The following MAN2A1 variants were observed in gnomAD, a reference collection of about 807,000 sequenced individuals.
MAN2A1 encodes the protein mannosidase alpha class 2A member 1, also known as alpha-mannosidase 2.
Under a neutral mutation model 142.6 loss-of-function variants are expected in MAN2A1, and 76 were observed. The ratio of observed to expected loss-of-function variants is 0.53; its 90% CI spans 0.44 to 0.65. MAN2A1 has a LOEUF of 0.65. MAN2A1 is among the 30% of genes least tolerant of loss of function. MAN2A1 has a pLI of 0.00. For missense variants in MAN2A1, 1,311 were observed against 1,365.1 expected (o/e 0.96, Z 0.62); for synonymous variants, 559 against 473.2 (o/e 1.18, Z -2.35).
Position 109,853,963 on chromosome 5 carries a change from A to G in MAN2A1, c.2977-1177A>G, listed in dbSNP as rs552259651. 2.6e-5 allele frequency: 4 copies of G among 152,138 alleles called. No individual in the cohort carries two copies. The East Asian group carries it at 7.7e-4, about 29-fold the overall frequency. The allele number at this position is 152,138 out of a possible 1,614,324, so 9.4% of individuals were successfully genotyped here. ...ATAGTCTGAAATGTAATGACATCTA[A>G]TGTTAGCTTCTGGCACGATGCTAGT... is the stretch of plus-strand genomic sequence containing the variant. On this transcript the variant is annotated intron_variant, in intron 19 of 21. Coordinates refer to ENST00000261483, the MANE Select transcript of MAN2A1 (RefSeq NM_002372.4).
intron 1 of MAN2A1, 93 bp downstream of exon 1, chr5:109,690,645 G>A: frequency 7.1e-7 from 1 of 1,408,342 alleles, no homozygotes; most frequent in Non-Finnish European, 9.7e-7. Context: ...CTCCCGCCGC[G>A]GCCCCACACC....
intron 7 of MAN2A1, among the ~76,000 whole-genome samples, chr5:109,771,240 CATT>C (rs1291747018): frequency 1.3e-5 from 2 of 151,896 alleles, no homozygotes; most frequent in Middle Eastern, 3.2e-3. Context: ...TAAAATGAAA[CATT>C]GTGGTGTAAT....
rs551950644 is a variant in MAN2A1 at position 109,787,625 on chromosome 5, T to TG, written c.1761-1308dup. Among the ~76,000 whole-genome samples the TG allele has an allele frequency of 1.8e-4, 27 of 152,080 alleles. No individual in the cohort carries two copies. In the East Asian group the frequency reaches 4.6e-3, roughly 26 times the overall value. On this transcript the variant is annotated intron_variant, in intron 10 of 21. Coordinates refer to ENST00000261483, the MANE Select transcript of MAN2A1 (RefSeq NM_002372.4). ...GAAGGCTGCATGTGTGCCTTTAGGA[T>TG]GCAGACATTGATCCTGGCTTTCACT...
chr5:109,715,598 TC>T (rs530902115), intron 2 of MAN2A1, among the ~76,000 whole-genome samples: 66 of 152,264 alleles, frequency 4.3e-4, no homozygotes, highest in African/African-American at 1.2e-3. Flanking sequence ...TAGTTTTACT[TC>T]TAGGATAAGA....
At chr5:109,773,841 T>G (rs1333722121) in intron 7 of MAN2A1, among the ~76,000 whole-genome samples, 3 of 152,198 alleles carry the variant, frequency 2.0e-5, no homozygotes, top group Non-Finnish European at 4.4e-5. Context: ...AATTTACTTT[T>G]GGATGATCCT....
intron 8 of MAN2A1, among the ~76,000 whole-genome samples, chr5:109,780,553 T>C (rs1384306910): frequency 6.6e-6 from 1 of 151,938 alleles, no homozygotes; most frequent in Non-Finnish European, 1.5e-5. Flanking sequence ...TGTGTGTATG[T>C]GTGTAGGAAA....
intron 21 of MAN2A1, among the ~76,000 whole-genome samples, 188 bp from the exon 22 acceptor site, chr5:109,866,658 T>C (rs1755891294): frequency 6.6e-6 from 1 of 152,180 alleles, no homozygotes; most frequent in Non-Finnish European, 1.5e-5. Flanking sequence ...CCCTTTTTTC[T>C]GTAAAAGAGA....
intron 1 of MAN2A1, among the ~76,000 whole-genome samples, chr5:109,693,474 C>G (rs550111099): frequency 6.6e-6 from 1 of 151,484 alleles, no homozygotes; most frequent in Non-Finnish European, 1.5e-5. Flanking sequence ...TCTAAATTGC[C>G]CATTTAGTTG....
chr5:109,847,838 C>A, intron 19 of MAN2A1, 48 bp downstream of exon 19: 1 of 1,341,640 alleles, frequency 7.5e-7, no homozygotes, highest in South Asian at 2.2e-5. Context: ...TTCTTTGTCA[C>A]CCAAAACTTG....
chr5:109,741,135 A>C (rs543884022), intron 4 of MAN2A1, among the ~76,000 whole-genome samples: 1 of 152,226 alleles, frequency 6.6e-6, no homozygotes, highest in East Asian at 1.9e-4. Context: ...CTTTTTTGGC[A>C]TTGGAAAATA....
intron 3 of MAN2A1, among the ~76,000 whole-genome samples, chr5:109,726,720 A>C (rs2112579852): frequency 6.6e-6 from 1 of 152,334 alleles, no homozygotes; most frequent in Middle Eastern, 3.4e-3. Flanking sequence ...CTTAACAAAA[A>C]ACATACAAAA....
chr5:109,834,443 AC>A lies in MAN2A1; in HGVS notation c.2567-7883del, dbSNP rs560194320. Among the ~76,000 whole-genome samples, 70 of 148,938 alleles carry A rather than the reference AC, an allele frequency of 4.7e-4. No homozygotes were observed. In the East Asian group the frequency reaches 0.013, roughly 28 times the overall value. On this transcript the variant is annotated intron_variant, in intron 16 of 21. Coordinates refer to ENST00000261483, the MANE Select transcript of MAN2A1 (RefSeq NM_002372.4). ...ATAACATTAGTACTTTAAAAAAAAA[AC>A]CAAAAAGCCTTTCAGTTTTGTTTTA...
chr5:109,820,109 C>A, intron 14 of MAN2A1, 111 bp from the exon 15 acceptor site: 1 of 988,166 alleles, frequency 1.0e-6, no homozygotes, highest in Admixed American at 2.6e-5. Context: ...CACTGGTCCA[C>A]CAGATAAGTA....
At chr5:109,718,255 C>G (rs990234073) in intron 3 of MAN2A1, among the ~76,000 whole-genome samples, 1 of 152,182 alleles carries the variant, frequency 6.6e-6, no homozygotes, top group Non-Finnish European at 1.5e-5. Flanking sequence ...CCCACTTCTT[C>G]CCTTTTCTTG....
rs1355488768 is a variant in MAN2A1 at position 109,774,842 on chromosome 5, A to G, written c.1251A>G (p.Lys417=). 1 of 1,612,950 alleles carries G rather than the reference A, an allele frequency of 6.2e-7. No homozygotes were observed. The highest frequency in any genetic ancestry group is 8.5e-7 in the Non-Finnish European group (1 of 1,179,544). The change falls in exon 8 of 22, where the codon AAA becomes AAG. Residue 417 remains lysine (K), a synonymous_variant. Transcript: ENST00000261483. ...AGAAGTCAAAGCTTTTTCGTACCAAAGTTCTCCTGGCTCCACTAGGAGATG... is the reference window on the plus strand; with the variant it reads ...AGAAGTCAAAGCTTTTTCGTACCAAGGTTCTCCTGGCTCCACTAGGAGATG... The part of the protein sequence containing the change: ...YRKKSKLFRT[K]VLLAPLGDDF...
rs1561497421 is a variant in MAN2A1, at chr5:109,759,968, TAGATAGATAG to T, written c.835+4514_835+4523del. On this transcript the variant is annotated intron_variant, in intron 5 of 21. Transcript: ENST00000261483. ...GTTGCTATATATATATATATATAGA[TAGATAGATAG>T]ATAGATAGATAGATAGATAGATAGA... Among the ~76,000 whole-genome samples the T allele has an allele frequency of 7.6e-5, 4 of 52,822 alleles. No homozygotes were observed. The African/African-American group carries it at 7.9e-4, about 10-fold the overall frequency. The allele number at this position is 52,822 out of a possible 152,430, so 34.7% of individuals were successfully genotyped here.
chr5:109,697,915 A>G (rs897262099), intron 1 of MAN2A1, among the ~76,000 whole-genome samples: 6 of 152,226 alleles, frequency 3.9e-5, no homozygotes, highest in African/African-American at 9.6e-5. Context: ...TACATGTTTC[A>G]TAGATTTCCA....
chr5:109,813,256 T>G (rs1457224156), intron 12 of MAN2A1, among the ~76,000 whole-genome samples: 4 of 152,216 alleles, frequency 2.6e-5, no homozygotes, highest in Admixed American at 6.5e-5. Flanking sequence ...CTGGGGATAT[T>G]GGCCTTGCTA....
At chr5:109,806,204 C>T (rs2112704741) in intron 12 of MAN2A1, among the ~76,000 whole-genome samples, 1 of 152,274 alleles carries the variant, frequency 6.6e-6, no homozygotes, top group South Asian at 2.1e-4. Flanking sequence ...CACGTGCACC[C>T]TGACTGCCTT....
Sources: allele counts gnomAD v4.1 joint callset (sites outside exome capture counted in the v4.1 genomes callset), GRCh38; gene constraint gnomAD v4.1.1; transcripts MANE v1.5; gene names NCBI Gene and HGNC (gene_info 2026-07-23, HGNC 2026-07-21).